Variants in NACC1 observed in about 807,000 individuals in gnomAD.
NACC1 encodes the protein nucleus accumbens-associated protein 1.
A neutral mutation model predicts 41.7 loss-of-function variants in NACC1; 6 were observed. The observed-to-expected ratio is 0.14, with a 90% confidence interval of 0.08 to 0.28. The LOEUF is 0.28. Ranked by LOEUF, NACC1 falls within the 10% of genes least tolerant of loss-of-function variation. The pLI is 1.00. For missense variants in NACC1, 434 were observed against 763.7 expected (o/e 0.57, Z 5.09); for synonymous variants, 338 against 330.6 (o/e 1.02, Z -0.24).
At chr19:13,117,843 C>T (rs1176477603), upstream of NACC1, among the ~76,000 whole-genome samples, 1 of 152,144 alleles carries the variant, frequency 6.6e-6, no homozygotes, top group Non-Finnish European at 1.5e-5. Flanking sequence ...CGTGAGACAC[C>T]GCGCCCAGCT....
chr19:13,122,517 C>T (rs1347544011), intron 1 of NACC1, among the ~76,000 whole-genome samples: 14 of 99,752 alleles, frequency 1.4e-4, no homozygotes, highest in Non-Finnish European at 9.1e-5. Flanking sequence ...TTTTGGTTGC[C>T]CCTGCCGGGG....
intron 1 of NACC1, among the ~76,000 whole-genome samples, chr19:13,125,893 C>T (rs917916933): frequency 6.6e-5 from 10 of 151,468 alleles, no homozygotes; most frequent in South Asian, 4.2e-4. Context: ...TGCACCACTG[C>T]GCCCAGCTAA....
At position 13,135,854 on chromosome 19, in the gene NACC1, C is replaced by T. The variant is rs991297823; in HGVS notation, c.647C>T (p.Pro216Leu). 1.3e-6 allele frequency: 2 copies of T among 1,553,032 alleles called. No homozygotes were observed. The highest frequency in any genetic ancestry group is 1.9e-5 in the Admixed American group (1 of 51,480). ...ACGCCGGACCTGGCTGCCAACCGGC[C>T]TCACCAGCCCCCGCCACCCCAACAG... is the stretch of plus-strand genomic sequence containing the variant. Reference protein sequence around the residue: ...FSTPDLAANRPHQPPPPQQAP... With the variant: ...FSTPDLAANRLHQPPPPQQAP... Residue 216 changes from proline to leucine, a missense_variant, in exon 2 of 6, where the codon CCT (proline) becomes CTT (leucine). Physicochemically the swap from Pro to Leu is moderately conservative, Grantham distance 98. Around this residue, in one of 4 missense-constraint regions of NACC1, gnomAD observed 234 missense variants for 308.3 expected, o/e 0.76. Coordinates refer to ENST00000292431, the MANE Select transcript of NACC1 (RefSeq NM_052876.4).
chr19:13,135,828 C>T lies in NACC1; in HGVS notation c.621C>T (p.Ser207=), dbSNP rs561330550. 1.1e-5 allele frequency: 17 copies of T among 1,553,080 alleles called. No individual in the cohort carries two copies. Among genetic ancestry groups the T allele is most frequent in the Non-Finnish European group, 1.4e-5 (16 of 1,150,716 alleles). ...GCAGCCGCAAGATGGCCAAGTTCTCCACGCCGGACCTGGCTGCCAACCGGC... is the reference window on the plus strand; with the variant it reads ...GCAGCCGCAAGATGGCCAAGTTCTCTACGCCGGACCTGGCTGCCAACCGGC... ...GNGSRKMAKF[S]TPDLAANRPH... is the part of the protein sequence containing the mutation. The change falls in exon 2 of 6, where the codon TCC becomes TCT. Residue 207 remains serine (S), a synonymous_variant. Transcript: ENST00000292431.
At chr19:13,119,407 G>A (rs1599978756) in intron 1 of NACC1, among the ~76,000 whole-genome samples, 1 of 152,264 alleles carries the variant, frequency 6.6e-6, no homozygotes, top group East Asian at 1.9e-4. Flanking sequence ...ACCTAGCTTA[G>A]GCATCTTGTT....
rs570819174 is a variant in NACC1, at chr19:13,137,628, G to T, written c.1324+53G>T. The T allele has an allele frequency of 2.7e-6, 4 of 1,458,580 alleles. No individual in the cohort carries two copies. The highest frequency in any genetic ancestry group is 2.5e-5 in the East Asian group (1 of 39,866). 90.4% of individuals were successfully genotyped at this position (1,458,580 alleles called of 1,614,324 possible). ...GTGGGCCCGGGGCACGCAGGTTGAC[G>T]TTTTTTCCCAGCCTTGGCTCTCAGA... On this transcript the variant is annotated intron_variant, in intron 5 of 5. Transcript: ENST00000292431. This position sits in a 1 kb window ranked among gnomAD's most constrained non-coding sequence, Gnocchi z 6.1.
At position 13,138,345 on chromosome 19, in the gene NACC1, A is replaced by G. The variant is rs773850440; in HGVS notation, c.1523A>G (p.His508Arg). 1.9e-6 allele frequency: 3 copies of G among 1,613,872 alleles called. No individual in the cohort carries two copies. The highest frequency in any genetic ancestry group is 2.5e-6 in the Non-Finnish European group (3 of 1,180,012). ...KIEPDMMGVE[H>R]GFETASHEGE... Reference sequence around the variant, plus strand: ...GAGCCGGACATGATGGGTGTGGAGCATGGCTTCGAGACCGCCAGCCACGAG... The same window carrying G: ...GAGCCGGACATGATGGGTGTGGAGCGTGGCTTCGAGACCGCCAGCCACGAG... The change falls in exon 6 of 6, where the codon CAT becomes CGT. Residue 508 changes from histidine to arginine, a missense_variant. Transcript: ENST00000292431. The surrounding 1 kb of genome is among the most constrained non-coding windows in gnomAD (Gnocchi z 5.7).
intron 1 of NACC1, among the ~76,000 whole-genome samples, chr19:13,125,788 A>T (rs772862270): frequency 8.6e-5 from 13 of 151,392 alleles, no homozygotes; most frequent in Non-Finnish European, 2.9e-5. Context: ...TGCCCAGCCT[A>T]GAGTGCAGTG....
At chr19:13,121,696 A>T (rs1448584859) in intron 1 of NACC1, among the ~76,000 whole-genome samples, 1 of 152,130 alleles carries the variant, frequency 6.6e-6, no homozygotes, top group South Asian at 2.1e-4. Context: ...TTGGTGGGGC[A>T]TATTGCTTTT....
chr19:13,119,820 C>T (rs1168314074), intron 1 of NACC1, among the ~76,000 whole-genome samples: 6 of 152,146 alleles, frequency 3.9e-5, no homozygotes, highest in East Asian at 1.9e-4. Context: ...GGCCCTGTGC[C>T]GAGCTCGCTG....
chr19:13,136,171 C>T lies in NACC1; in HGVS notation c.946+18C>T. ...CCAGACAGGTGAGGTGCCGTCCTGT[C>T]CCCCATCCCACCAGCCACCCCTGCT... On this transcript the variant is annotated intron_variant, in intron 2 of 5. Transcript: ENST00000292431. This position sits in a 1 kb window ranked among gnomAD's most constrained non-coding sequence, Gnocchi z 5.5. 6.2e-7 allele frequency: 1 copy of T among 1,604,508 alleles called. No individual in the cohort carries two copies. The highest frequency in any genetic ancestry group is 1.7e-4 in the Middle Eastern group (1 of 6,008).
chr19:13,138,352 C>G lies in NACC1; in HGVS notation c.1530C>G (p.Phe510Leu). 6.2e-7 allele frequency: 1 copy of G among 1,613,682 alleles called. No individual in the cohort carries two copies. The highest frequency in any genetic ancestry group is 1.1e-5 in the South Asian group (1 of 91,084). ...ACATGATGGGTGTGGAGCATGGCTT[C>G]GAGACCGCCAGCCACGAGGGCGAGG... ...EPDMMGVEHG[F>L]ETASHEGEAG... is the part of the protein sequence containing the mutation. Residue 510 changes from phenylalanine to leucine, a missense_variant, in exon 6 of 6, where the codon TTC becomes TTG. Around this residue, in one of 4 missense-constraint regions of NACC1, gnomAD observed 63 missense variants for 68.4 expected, o/e 0.92. Coordinates refer to ENST00000292431, the MANE Select transcript of NACC1 (RefSeq NM_052876.4). This position sits in a 1 kb window ranked among gnomAD's most constrained non-coding sequence, Gnocchi z 5.7.
intron 1 of NACC1, among the ~76,000 whole-genome samples, chr19:13,121,305 G>A (rs952033533): frequency 1.3e-5 from 2 of 152,156 alleles, no homozygotes; most frequent in African/African-American, 4.8e-5. Flanking sequence ...TAAACATTTT[G>A]TCTTCATGAG....
chr19:13,135,734 TGCAGTGCA>T lies in NACC1; in HGVS notation c.528_535del (p.Gln177AlafsTer102). On this transcript the variant is annotated frameshift_variant, in exon 2 of 6. Coordinates refer to ENST00000292431, the MANE Select transcript of NACC1 (RefSeq NM_052876.4). LOFTEE classifies it high-confidence loss of function. ...ACGGAGCAGCAGGAGTCGGACTCCG[TGCAGTGCA>T]TGCCCGTGGCCAAGCGGCTGTGGGA... 1 of 1,558,254 alleles carries T rather than the reference TGCAGTGCA, an allele frequency of 6.4e-7. No homozygotes were observed. The highest frequency in any genetic ancestry group is 8.7e-7 in the Non-Finnish European group (1 of 1,153,430).
intron 1 of NACC1, among the ~76,000 whole-genome samples, 183 bp downstream of exon 1, chr19:13,118,637 C>G (rs1599976794): frequency 2.6e-5 from 4 of 151,642 alleles, no homozygotes; most frequent in African/African-American, 9.7e-5. Context: ...GCGTCCAGCC[C>G]GAGCTTCAGG....
Position 13,127,371 on chromosome 19 carries a change from CTTTTTTTTTTTTTTT to C in NACC1, c.-8-7814_-8-7800del, listed in dbSNP as rs147514422. 4.9e-3 allele frequency among the ~76,000 whole-genome samples: 139 copies of C among 28,516 alleles called. 5 individuals carry two copies. The South Asian group carries it at 0.18, about 37-fold the overall frequency. 18.7% of individuals were successfully genotyped at this position (28,516 alleles called of 152,430 possible). A position where few individuals can be genotyped will look rare whatever the true frequency, so the allele number is the denominator to read the frequency against. On this transcript the variant is annotated intron_variant, in intron 1 of 5. Coordinates refer to ENST00000292431, the MANE Select transcript of NACC1 (RefSeq NM_052876.4). ...AAAAAAAAGCATACATATACATATA[CTTTTTTTTTTTTTTT>C]TTTTTTTTTTTTTTCGGTTAACTGG...
At chr19:13,121,533 T>G (rs1220223228) in intron 1 of NACC1, among the ~76,000 whole-genome samples, 2 of 152,066 alleles carry the variant, frequency 1.3e-5, no homozygotes, top group Non-Finnish European at 2.9e-5. Flanking sequence ...TGAGGAGATG[T>G]GAGTTTTGGT....
At chr19:13,117,905 T>C (rs1017788789), upstream of NACC1, among the ~76,000 whole-genome samples, 1 of 152,232 alleles carries the variant, frequency 6.6e-6, no homozygotes, top group Admixed American at 6.5e-5. Context: ...AAAATGTTAC[T>C]GTGTAGTTTA....
At chr19:13,132,083 A>T (rs956436684) in intron 1 of NACC1, among the ~76,000 whole-genome samples, 19 of 151,184 alleles carry the variant, frequency 1.3e-4, no homozygotes, top group Admixed American at 1.2e-3. Flanking sequence ...CTGGTCTCGA[A>T]CTCCCGACCT....
Sources: gnomAD v4.1 joint callset for allele counts (sites outside exome capture counted in the v4.1 genomes callset) on GRCh38, gnomAD v4.1.1 for gene constraint, gnomAD v4.1.1 regional missense constraint, Gnocchi (gnomAD v3.1) non-coding constraint, MANE v1.5 for transcripts, NCBI Gene and HGNC (gene_info 2026-07-23, HGNC 2026-07-21) for gene names.